Variants in LEPROTL1 observed in about 807,000 individuals in gnomAD.
The protein encoded by LEPROTL1 is leptin receptor overlapping transcript like 1.
LEPROTL1 carries 6 observed loss-of-function variants against 15.4 expected under a neutral mutation model. That is an observed-to-expected ratio of 0.39 (90% confidence interval 0.21 to 0.77). The LOEUF is 0.77. LEPROTL1 is among the 30% of genes least tolerant of loss of function. The pLI is 0.41. For missense variants in LEPROTL1, 128 were observed against 158.1 expected (o/e 0.81, Z 1.02); for synonymous variants, 56 against 52.6 (o/e 1.06, Z -0.28).
intron 3 of LEPROTL1, among the ~76,000 whole-genome samples, chr8:30,119,897 C>T (rs1042669514): frequency 3.9e-5 from 6 of 151,950 alleles, no homozygotes; most frequent in African/African-American, 1.2e-4. Context: ...GGCAAAATGC[C>T]GTCTCTGCTA....
At position 30,106,905 on chromosome 8, in the gene LEPROTL1, T is replaced by C; in HGVS notation, c.*1043T>C. ...TATAGTTTAATAACACTTAGAAGTG[T>C]TTACTTACCTGGAAAATAATTGCTA... On this transcript the variant is annotated 3_prime_UTR_variant, in exon 4 of 4. Transcript: ENST00000321250. 1.0e-6 allele frequency: 1 copy of C among 984,134 alleles called. No homozygotes were observed. The highest frequency in any genetic ancestry group is 1.2e-6 in the Non-Finnish European group (1 of 828,406). 61.0% of individuals were successfully genotyped at this position (984,134 alleles called of 1,614,324 possible).
intron 3 of LEPROTL1, among the ~76,000 whole-genome samples, chr8:30,125,497 T>C (rs1195859192): frequency 1.3e-5 from 2 of 152,234 alleles, no homozygotes; most frequent in African/African-American, 4.8e-5. Flanking sequence ...ACTCAGCAGA[T>C]TTTCTTCCAT....
chr8:30,134,959 A>T (rs1803107482), intron 4 of LEPROTL1, among the ~76,000 whole-genome samples: 1 of 151,992 alleles, frequency 6.6e-6, no homozygotes, highest in Admixed American at 6.6e-5. Flanking sequence ...GGCTCACTGC[A>T]ACCTCTGCCT....
chr8:30,106,749 G>A lies in LEPROTL1; in HGVS notation c.*887G>A. The A allele has an allele frequency of 1.0e-6, 1 of 984,852 alleles. No homozygotes were observed. Among genetic ancestry groups the A allele is most frequent in the South Asian group, 4.7e-5 (1 of 21,248 alleles). The allele number at this position is 984,852 out of a possible 1,614,324, so 61.0% of individuals were successfully genotyped here. On this transcript the variant is annotated 3_prime_UTR_variant, in exon 4 of 4. Coordinates refer to ENST00000321250, the MANE Select transcript of LEPROTL1 (RefSeq NM_015344.3). ...TTTCATGTTTTACCCTGTTAAAATG[G>A]ACATACATGGAACCACTACTGATGA... is the stretch of plus-strand genomic sequence containing the variant.
At position 30,107,621 on chromosome 8, in the gene LEPROTL1, G is replaced by A; in HGVS notation, c.*1759G>A. 1.0e-6 allele frequency: 1 copy of A among 985,816 alleles called. No homozygotes were observed. Among genetic ancestry groups the A allele is most frequent in the Non-Finnish European group, 1.2e-6 (1 of 829,942 alleles). The allele number at this position is 985,816 out of a possible 1,614,324, so 61.1% of individuals were successfully genotyped here. A position where few individuals can be genotyped will look rare whatever the true frequency, so the allele number is the denominator to read the frequency against. On this transcript the variant is annotated 3_prime_UTR_variant, in exon 4 of 4. Coordinates refer to ENST00000321250, the MANE Select transcript of LEPROTL1 (RefSeq NM_015344.3). Reference sequence around the variant, plus strand: ...GACGAAATATCGGCGTGTGGCTGGAGCCTTCCCACTGGAGGCTGAAAGTGG... The same window carrying A: ...GACGAAATATCGGCGTGTGGCTGGAACCTTCCCACTGGAGGCTGAAAGTGG...
intron 2 of LEPROTL1, among the ~76,000 whole-genome samples, chr8:30,102,652 C>CAAA (rs199960893): frequency 9.9e-6 from 1 of 101,124 alleles, no homozygotes. Flanking sequence ...ACTCTGTTTC[C>CAAA]AAAAAAAAAA....
At chr8:30,101,790 G>A (rs991458245) in intron 1 of LEPROTL1, 108 bp from the exon 2 acceptor site, 23 of 644,272 alleles carry the variant, frequency 3.6e-5, no homozygotes, top group Middle Eastern at 8.5e-4. Context: ...CTATTAATAC[G>A]TTTTAGGGAT....
At position 30,097,682 on chromosome 8, in the gene LEPROTL1, A is replaced by T. The variant is rs1475784833; in HGVS notation, c.16+2154A>T. On this transcript the variant is annotated intron_variant, in intron 1 of 3. Coordinates refer to ENST00000321250, the MANE Select transcript of LEPROTL1 (RefSeq NM_015344.3). ...GTGAGACTCTGTCTCAAAAAAAAAA[A>T]AAATATATATATATATACACACACA... Among the ~76,000 whole-genome samples, 391 of 128,036 alleles carry T rather than the reference A, an allele frequency of 3.1e-3. 11 individuals carry two copies. Among genetic ancestry groups the T allele is most frequent in the African/African-American group, 0.011 (367 of 32,140 alleles). 84.0% of individuals were successfully genotyped at this position (128,036 alleles called of 152,430 possible).
At chr8:30,137,252 T>A in intron 4 of LEPROTL1, 1 of 1,529,960 alleles carries the variant, frequency 6.5e-7, no homozygotes, top group Admixed American at 2.0e-5. Context: ...TGTAATTAGC[T>A]CTTGATTTCT....
intron 3 of LEPROTL1, among the ~76,000 whole-genome samples, chr8:30,128,022 G>A (rs774699658): frequency 5.3e-5 from 8 of 152,066 alleles, no homozygotes; most frequent in South Asian, 2.1e-4. Flanking sequence ...AGGGAGCAGC[G>A]GGGGCAGGAG....
intron 3 of LEPROTL1, among the ~76,000 whole-genome samples, chr8:30,124,651 CA>C (rs1802880905): frequency 6.6e-6 from 1 of 151,990 alleles, no homozygotes; most frequent in Non-Finnish European, 1.5e-5. Context: ...AAGATCTAAA[CA>C]AAGTCCATAT....
At chr8:30,122,559 G>A (rs2117515707) in intron 3 of LEPROTL1, among the ~76,000 whole-genome samples, 1 of 152,288 alleles carries the variant, frequency 6.6e-6, no homozygotes, top group African/African-American at 2.4e-5. Flanking sequence ...GGGAGGCCAA[G>A]GCAGGTGGAT....
chr8:30,132,444 C>T (rs772168339), exon 4 of LEPROTL1: 38 of 1,551,582 alleles, frequency 2.4e-5, no homozygotes, highest in East Asian at 1.2e-4. Flanking sequence ...GCCCAAAGCC[C>T]GCTGCGTGGA....
At chr8:30,132,243 C>T in intron 3 of LEPROTL1, 5 of 1,551,834 alleles carry the variant, frequency 3.2e-6, no homozygotes, top group South Asian at 1.2e-5. Flanking sequence ...GTCCATGCCA[C>T]CAGGCAGAGA....
chr8:30,116,298 C>T (rs73576705), intron 3 of LEPROTL1, among the ~76,000 whole-genome samples: 1 of 151,960 alleles, frequency 6.6e-6, no homozygotes, highest in Non-Finnish European at 1.5e-5. Flanking sequence ...AACATCTTTG[C>T]AGTTTGTTAG....
In LEPROTL1 at chr8:30,129,254, T is replaced by C. The variant is rs115550767; in HGVS notation, c.280-3121T>C. 3.7e-3 allele frequency among the ~76,000 whole-genome samples: 570 copies of C among 152,338 alleles called. 6 individuals are homozygous for C. The highest frequency in any genetic ancestry group is 0.013 in the African/African-American group (529 of 41,576). ...GTTCATCAAGACCCTCACTGTGTTATGTTCTGAGTGCTAAGATTGGGCTCG... is the reference window on the plus strand; with the variant it reads ...GTTCATCAAGACCCTCACTGTGTTACGTTCTGAGTGCTAAGATTGGGCTCG... On this transcript the variant is annotated intron_variant, in intron 3 of 4. Transcript: ENST00000442880.
At chr8:30,124,224 T>C (rs1802876289) in intron 3 of LEPROTL1, among the ~76,000 whole-genome samples, 1 of 152,152 alleles carries the variant, frequency 6.6e-6, no homozygotes, top group South Asian at 2.1e-4. Context: ...GCCACAATGA[T>C]TTTTTGCAGT....
chr8:30,115,980 A>T (rs559717755), intron 3 of LEPROTL1, among the ~76,000 whole-genome samples: 10 of 152,106 alleles, frequency 6.6e-5, no homozygotes, highest in Admixed American at 6.6e-5. Context: ...TAATGTTGTG[A>T]TATAATAAGA....
intron 2 of LEPROTL1, among the ~76,000 whole-genome samples, chr8:30,102,942 A>G (rs965513669): frequency 1.3e-5 from 2 of 152,156 alleles, no homozygotes; most frequent in South Asian, 2.1e-4. Context: ...CTCTCAAAGT[A>G]TATATTCTTT....
Sources: gnomAD v4.1 joint callset for allele counts (sites outside exome capture counted in the v4.1 genomes callset) on GRCh38, gnomAD v4.1.1 for gene constraint, MANE v1.5 for transcripts, NCBI Gene and HGNC (gene_info 2026-07-23, HGNC 2026-07-21) for gene names.